The following BTAF1 variants were observed in gnomAD, a reference collection of about 807,000 sequenced individuals.
BTAF1 encodes B-TFIID TATA-box binding protein associated factor 1, also known as TATA-binding protein-associated factor 172.
Under a neutral mutation model 227.1 loss-of-function variants are expected in BTAF1, and 38 were observed. The observed-to-expected ratio is 0.17, with a 90% CI of 0.13 to 0.22. The LOEUF (loss-of-function observed/expected upper bound fraction) is 0.22. Ranked by LOEUF, BTAF1 falls within the 10% of genes least tolerant of loss-of-function variation. BTAF1 has a pLI of 1.00. For synonymous variants in BTAF1, 742 were observed against 751.9 expected, an observed-to-expected ratio of 0.99 and a Z score of 0.21; for missense variants, 1,598 against 2,204.0, an observed-to-expected ratio of 0.73 and a Z score of 5.51.
intron 25 of BTAF1, among the ~76,000 whole-genome samples, chr10:92,000,405 AAGT>A: frequency 6.6e-6 from 1 of 152,338 alleles, no homozygotes. Flanking sequence ...TAACAGCTGA[AAGT>A]AGTATTTTAG....
chr10:92,012,663 C>G (rs1589968962), intron 30 of BTAF1, among the ~76,000 whole-genome samples: 1 of 147,396 alleles, frequency 6.8e-6, no homozygotes, highest in Non-Finnish European at 1.5e-5. Context: ...CCCAGCTACT[C>G]AGGAGGCTGA....
At chr10:92,012,520 C>T (rs1391811496) in intron 30 of BTAF1, among the ~76,000 whole-genome samples, 1 of 151,030 alleles carries the variant, frequency 6.6e-6, no homozygotes, top group Non-Finnish European at 1.5e-5. Context: ...CCTGTAATCT[C>T]GGCACATTGG....
intron 14 of BTAF1, among the ~76,000 whole-genome samples, chr10:91,972,454 A>G (rs952064159): frequency 3.9e-5 from 6 of 152,164 alleles, no homozygotes; most frequent in Admixed American, 6.5e-5. Flanking sequence ...GAGACAAATC[A>G]AATCTCTAGT....
intron 32 of BTAF1, among the ~76,000 whole-genome samples, chr10:92,014,517 G>A (rs773324969): frequency 1.4e-4 from 22 of 152,142 alleles, no homozygotes; most frequent in Non-Finnish European, 2.5e-4. Context: ...GTGAGCCACC[G>A]TCCCAGCCTA....
At chr10:92,026,431 G>C (rs1017991981) in intron 35 of BTAF1, among the ~76,000 whole-genome samples, 161 bp from the exon 36 acceptor site, 1 of 152,066 alleles carries the variant, frequency 6.6e-6, no homozygotes, top group Admixed American at 6.5e-5. Flanking sequence ...TACTAAAAAC[G>C]TTATACATAT....
At chr10:91,942,675 G>A in intron 4 of BTAF1, 107 bp downstream of exon 4, 1 of 1,297,276 alleles carries the variant, frequency 7.7e-7, no homozygotes, top group Non-Finnish European at 1.1e-6. Context: ...GTCATGAAAT[G>A]TAAATTAACT....
intron 13 of BTAF1, among the ~76,000 whole-genome samples, chr10:91,966,274 C>T (rs995193335): frequency 2.0e-5 from 3 of 152,134 alleles, no homozygotes; most frequent in Admixed American, 6.6e-5. Context: ...ATTAGCAATC[C>T]TGATCATGTA....
rs765601148 is a variant in BTAF1, at chr10:91,951,573, A to G, written c.564+7A>G. ...CTTTGTTAACAAACAACCTGTAGGT[A>G]AAACGTTTGGTTATTTGATTGCAAG... On this transcript the variant is annotated splice_region_variant and intron_variant, in intron 5 of 37. Coordinates refer to ENST00000265990, the MANE Select transcript of BTAF1 (RefSeq NM_003972.3). 1.9e-6 allele frequency: 3 copies of G among 1,577,382 alleles called. No homozygotes were observed. Among genetic ancestry groups the G allele is most frequent in the South Asian group, 2.4e-5 (2 of 82,978 alleles).
At chr10:91,950,158 CG>C (rs1187763232) in intron 4 of BTAF1, among the ~76,000 whole-genome samples, 3 of 45,058 alleles carry the variant, frequency 6.7e-5, no homozygotes, top group African/African-American at 3.2e-4. Flanking sequence ...TGGGGGGGGG[CG>C]GGAAAGAAGA....
At position 91,995,630 on chromosome 10, in the gene BTAF1, C is replaced by T. The variant is rs185256300; in HGVS notation, c.3310-739C>T. ...GGCAGAGGTTGCAGTGAGCCAAGAT[C>T]GCGCCACTGCACTCTAGCCTAGGCG... On this transcript the variant is annotated intron_variant, in intron 23 of 37. Coordinates refer to ENST00000265990, the MANE Select transcript of BTAF1 (RefSeq NM_003972.3). Among the ~76,000 whole-genome samples the T allele has an allele frequency of 9.1e-4, 137 of 151,350 alleles. 2 individuals are homozygous for T. Among genetic ancestry groups the T allele is most frequent in the Admixed American group, 8.7e-3 (133 of 15,208 alleles).
At chr10:91,956,307 G>A (rs1183747941) in intron 6 of BTAF1, among the ~76,000 whole-genome samples, 1 of 152,160 alleles carries the variant, frequency 6.6e-6, no homozygotes, top group Non-Finnish European at 1.5e-5. Context: ...CCAACCTATA[G>A]TGTAGTTAGA....
At chr10:91,936,689 T>C (rs1844636958) in intron 2 of BTAF1, among the ~76,000 whole-genome samples, 1 of 152,202 alleles carries the variant, frequency 6.6e-6, no homozygotes, top group Non-Finnish European at 1.5e-5. Context: ...GTTCTTAGAA[T>C]GAAGAAGGAT....
At chr10:91,977,171 ATAGT>A (rs1847757281) in intron 14 of BTAF1, among the ~76,000 whole-genome samples, 1 of 152,130 alleles carries the variant, frequency 6.6e-6, no homozygotes, top group African/African-American at 2.4e-5. Flanking sequence ...GGGGGTATAG[ATAGT>A]TAGAAGTTTA....
At chr10:91,927,428 A>G (rs947413266) in intron 1 of BTAF1, among the ~76,000 whole-genome samples, 8 of 152,140 alleles carry the variant, frequency 5.3e-5, no homozygotes, top group Non-Finnish European at 1.2e-4. Context: ...CTTGTTCAGG[A>G]CATTTTCTCT....
chr10:91,947,838 T>C (rs1027391829), intron 4 of BTAF1, among the ~76,000 whole-genome samples: 6 of 152,096 alleles, frequency 3.9e-5, no homozygotes, highest in African/African-American at 9.7e-5. Context: ...ATATTTACTC[T>C]TATGATGCAT....
intron 1 of BTAF1, among the ~76,000 whole-genome samples, chr10:91,934,563 C>A (rs1315738563): frequency 6.6e-6 from 1 of 152,162 alleles, no homozygotes; most frequent in East Asian, 1.9e-4. Flanking sequence ...TCATGTATCA[C>A]ACTGCTGCCA....
At position 91,997,627 on chromosome 10, in the gene BTAF1, G is replaced by A; in HGVS notation, c.3536G>A (p.Gly1179Asp). 6.2e-7 allele frequency: 1 copy of A among 1,613,374 alleles called. No individual in the cohort carries two copies. Residue 1179 changes from glycine (G) to aspartate (D), a missense_variant, in exon 25 of 38, where the codon GGT becomes GAT. Around this residue, in one of 10 missense-constraint regions of BTAF1, gnomAD observed 425 missense variants for 491.2 expected, o/e 0.87. Coordinates refer to ENST00000265990, the MANE Select transcript of BTAF1 (RefSeq NM_003972.3). ...LACVMEQLDV[G>D]IVPYIVLLVV... ...GGTGTAATGGAACAACTAGATGTTGGTATTGTTCCATATATTGTCCTTTTA... is the reference window on the plus strand; with the variant it reads ...GGTGTAATGGAACAACTAGATGTTGATATTGTTCCATATATTGTCCTTTTA...
chr10:92,008,007 A>G, intron 25 of BTAF1, 116 bp from the exon 26 acceptor site: 1 of 977,656 alleles, frequency 1.0e-6, no homozygotes, highest in Admixed American at 2.8e-5. Flanking sequence ...TTTGTCTTCA[A>G]GTCTTTGTAC....
rs576976873 is a variant in BTAF1, at chr10:92,016,946, G to A, written c.4710+481G>A. On this transcript the variant is annotated intron_variant, in intron 33 of 37. Transcript: ENST00000265990. The stretch of plus-strand genomic sequence containing the variant: ...AAGCACTTTAATATTAAAATTAAAT[G>A]TATAAAATGCAATATATGTTTGTAT... 5.3e-5 allele frequency among the ~76,000 whole-genome samples: 8 copies of A among 152,188 alleles called. No homozygotes were observed. In the South Asian group the frequency reaches 1.7e-3, roughly 32 times the overall value.
Sources: allele counts gnomAD v4.1 joint callset (sites outside exome capture counted in the v4.1 genomes callset), GRCh38; gene constraint gnomAD v4.1.1; regional missense constraint gnomAD v4.1.1; transcripts MANE v1.5; gene names NCBI Gene and HGNC (gene_info 2026-07-23, HGNC 2026-07-21).